The following PTPRD variants were observed in gnomAD, a reference collection of about 807,000 sequenced individuals.
PTPRD encodes receptor-type tyrosine-protein phosphatase delta.
In PTPRD, 34 loss-of-function variants were observed where a neutral mutation model predicts 214.5. The ratio of observed to expected loss-of-function variants is 0.16; its 90% CI spans 0.12 to 0.21. PTPRD has a LOEUF of 0.21. Among genes scored for constraint, PTPRD ranks in the 10% least tolerant of loss-of-function variants. The probability of loss-of-function intolerance (pLI) is 1.00; values close to 1 mark genes in which losing one functional copy is unlikely to be tolerated. For missense variants in PTPRD, 2,545 were observed against 2,398.7 expected, an observed-to-expected ratio of 1.06 and a Z score of -1.27; for synonymous variants, 1,128 against 845.7, an observed-to-expected ratio of 1.33 and a Z score of -5.79.
intron 10 of PTPRD, among the ~76,000 whole-genome samples, chr9:9,092,228 C>A (rs1007257336): frequency 1.3e-5 from 2 of 152,068 alleles, no homozygotes; most frequent in Non-Finnish European, 2.9e-5. Flanking sequence ...GGGCAAAGTT[C>A]TCTACAGATA....
chr9:8,677,215 C>A (rs1339918674), intron 12 of PTPRD, among the ~76,000 whole-genome samples: 1 of 152,140 alleles, frequency 6.6e-6, no homozygotes, highest in East Asian at 1.9e-4. Context: ...AGGATGCATG[C>A]ACACATACAT....
intron 3 of PTPRD, among the ~76,000 whole-genome samples, chr9:10,105,953 A>G (rs113033908): frequency 1.2e-3 from 173 of 148,248 alleles, no homozygotes; most frequent in Middle Eastern, 3.5e-3. Context: ...ATGATCACCA[A>G]GGGGATGAAT....
chr9:9,494,378 T>C (rs570392827), intron 8 of PTPRD, among the ~76,000 whole-genome samples: 26 of 152,274 alleles, frequency 1.7e-4, no homozygotes, highest in African/African-American at 5.5e-4. Context: ...AAAACTTTTG[T>C]GAAAGGAAGA....
intron 9 of PTPRD, among the ~76,000 whole-genome samples, chr9:9,337,921 A>G (rs2045222833): frequency 6.6e-6 from 1 of 152,224 alleles, no homozygotes; most frequent in South Asian, 2.1e-4. Context: ...CAACCATAAA[A>G]TTATAAAATT....
intron 3 of PTPRD, among the ~76,000 whole-genome samples, chr9:10,074,289 G>A (rs2098091097): frequency 6.6e-6 from 1 of 152,058 alleles, no homozygotes; most frequent in Admixed American, 6.6e-5. Context: ...AGAATGTTTA[G>A]ATAACTATAA....
chr9:9,720,605 C>A (rs893891269), intron 7 of PTPRD, among the ~76,000 whole-genome samples: 2 of 152,128 alleles, frequency 1.3e-5, no homozygotes, highest in South Asian at 4.1e-4. Flanking sequence ...AAATCCCATG[C>A]AGGTGACTAC....
intron 9 of PTPRD, among the ~76,000 whole-genome samples, chr9:9,325,107 G>C (rs1362553684): frequency 6.6e-6 from 1 of 152,166 alleles, no homozygotes; most frequent in African/African-American, 2.4e-5. Flanking sequence ...TTGTAGTATA[G>C]TTTGAAGTCA....
chr9:8,779,816 T>G (rs893042469), intron 11 of PTPRD, among the ~76,000 whole-genome samples: 2 of 87,462 alleles, frequency 2.3e-5, no homozygotes, highest in Admixed American at 1.3e-4. Context: ...TTTTGTTGGT[T>G]TTTTTTTTTT....
At chr9:9,463,579 C>T (rs900105124) in intron 8 of PTPRD, among the ~76,000 whole-genome samples, 4 of 152,064 alleles carry the variant, frequency 2.6e-5, no homozygotes, top group African/African-American at 9.7e-5. Flanking sequence ...ATTTCTAAGA[C>T]TGAAAAAATA....
intron 3 of PTPRD, among the ~76,000 whole-genome samples, chr9:10,171,371 G>C (rs1272991329): frequency 6.6e-6 from 1 of 151,918 alleles, no homozygotes; most frequent in Non-Finnish European, 1.5e-5. Flanking sequence ...TTTATAAGGA[G>C]AAACCCTTTC....
At chr9:9,942,895 G>GT (rs113089194) in intron 4 of PTPRD, among the ~76,000 whole-genome samples, 16,771 of 119,996 alleles carry the variant, frequency 0.14, 1,129 homozygotes, top group Middle Eastern at 0.26. Context: ...GCTCTGAGTT[G>GT]TTTTTTTTTT....
intron 10 of PTPRD, among the ~76,000 whole-genome samples, chr9:9,087,262 C>A (rs958571347): frequency 6.6e-6 from 1 of 152,054 alleles, no homozygotes; most frequent in African/African-American, 2.4e-5. Context: ...GTCCTTGGCC[C>A]TGAAGAGTTG....
intron 3 of PTPRD, among the ~76,000 whole-genome samples, chr9:10,212,736 G>C (rs1194867582): frequency 6.6e-6 from 1 of 152,112 alleles, no homozygotes; most frequent in Admixed American, 6.6e-5. Flanking sequence ...TCTTGTTACT[G>C]TATTGTCAAG....
intron 14 of PTPRD, among the ~76,000 whole-genome samples, chr9:8,531,870 A>G (rs951206481): frequency 5.3e-5 from 8 of 152,106 alleles, no homozygotes; most frequent in Admixed American, 2.6e-4. Context: ...TAAGAAATAT[A>G]GTCCTCACCT....
At chr9:10,108,695 G>C (rs1254506558) in intron 3 of PTPRD, among the ~76,000 whole-genome samples, 3 of 152,034 alleles carry the variant, frequency 2.0e-5, no homozygotes, top group African/African-American at 7.2e-5. Flanking sequence ...ATTCACAATA[G>C]TCAAGCTATG....
intron 12 of PTPRD, 24 bp downstream of exon 12, chr9:8,733,756 C>T (rs2154434690): frequency 6.4e-7 from 1 of 1,551,308 alleles, no homozygotes. Context: ...TCACAGCCCC[C>T]TAGAGAAGGG....
intron 7 of PTPRD, among the ~76,000 whole-genome samples, chr9:9,691,266 C>T (rs1351611844): frequency 1.3e-5 from 2 of 151,822 alleles, no homozygotes; most frequent in Non-Finnish European, 2.9e-5. Flanking sequence ...ACTAGCCATC[C>T]CTACCTCCCT....
intron 2 of PTPRD, among the ~76,000 whole-genome samples, chr9:10,460,711 T>C (rs988800796): frequency 2.0e-5 from 3 of 152,106 alleles, no homozygotes; most frequent in Non-Finnish European, 4.4e-5. Flanking sequence ...AATGGAATCC[T>C]TCTCTTACAC....
chr9:8,894,923 C>T (rs541650930), intron 11 of PTPRD, among the ~76,000 whole-genome samples: 10 of 152,178 alleles, frequency 6.6e-5, no homozygotes, highest in African/African-American at 2.4e-4. Flanking sequence ...AATTTGGAGC[C>T]CAGAGAGCCC....
Sources: gnomAD v4.1 joint callset for allele counts (sites outside exome capture counted in the v4.1 genomes callset) on GRCh38, gnomAD v4.1.1 for gene constraint, MANE v1.5 for transcripts, NCBI Gene and HGNC (gene_info 2026-07-23, HGNC 2026-07-21) for gene names.